SYNDIG1: variants seen among roughly 807,000 people sequenced by gnomAD.
SYNDIG1 encodes synapse differentiation-inducing gene protein 1.
Under a neutral mutation model 19.4 loss-of-function variants are expected in SYNDIG1, and 9 were observed. The observed-to-expected ratio is 0.46, with a 90% CI of 0.28 to 0.81. SYNDIG1 has a LOEUF of 0.81. SYNDIG1 is among the 30% of genes least tolerant of loss of function. The pLI is 0.12. For missense variants in SYNDIG1, 311 were observed against 343.3 expected, an observed-to-expected ratio of 0.91 and a Z score of 0.74; for synonymous variants, 141 against 145.9, an observed-to-expected ratio of 0.97 and a Z score of 0.24.
At chr20:24,564,784 G>A (rs2058011855) in intron 2 of SYNDIG1, among the ~76,000 whole-genome samples, 1 of 36,330 alleles carries the variant, frequency 2.8e-5, no homozygotes, top group African/African-American at 8.6e-5. Context: ...ATTCTTGCCT[G>A]GGCTCATCTG....
At chr20:24,510,340 G>A (rs989957083) in intron 1 of SYNDIG1, among the ~76,000 whole-genome samples, 4 of 151,696 alleles carry the variant, frequency 2.6e-5, no homozygotes, top group South Asian at 2.1e-4. Flanking sequence ...AGGCCAAGGC[G>A]GGCAGATCAC....
At chr20:24,549,826 G>T (rs1320802323) in intron 2 of SYNDIG1, among the ~76,000 whole-genome samples, 2 of 152,192 alleles carry the variant, frequency 1.3e-5, no homozygotes, top group East Asian at 3.8e-4. Context: ...GTGGAGCCGG[G>T]AAGGATACTG....
chr20:24,513,571 G>C (rs1271695733), intron 1 of SYNDIG1, among the ~76,000 whole-genome samples: 2 of 152,172 alleles, frequency 1.3e-5, no homozygotes, highest in East Asian at 3.9e-4. Flanking sequence ...GAGAAGTTTA[G>C]AGGAAAAAAA....
intron 1 of SYNDIG1, chr20:24,491,782 T>C (rs1287163209): frequency 6.6e-6 from 1 of 152,218 alleles, no homozygotes; most frequent in Non-Finnish European, 1.5e-5. Context: ...GACATTTCAC[T>C]AAGTCATAAG....
intron 3 of SYNDIG1, among the ~76,000 whole-genome samples, chr20:24,642,674 T>G (rs1469367590): frequency 6.6e-6 from 1 of 152,172 alleles, no homozygotes; most frequent in South Asian, 2.1e-4. Flanking sequence ...TCTTTCAGAT[T>G]GGTTTCTGTG....
intron 1 of SYNDIG1, among the ~76,000 whole-genome samples, chr20:24,487,077 G>C (rs995114183): frequency 6.6e-6 from 1 of 151,054 alleles, no homozygotes; most frequent in African/African-American, 2.5e-5. Flanking sequence ...GATGTGGGGT[G>C]GGGGGTATTT....
intron 1 of SYNDIG1, among the ~76,000 whole-genome samples, chr20:24,512,425 C>G (rs905297105): frequency 2.6e-5 from 4 of 151,832 alleles, no homozygotes. Flanking sequence ...CCTGGAAAAT[C>G]AGGTCCCTCC....
At position 24,604,142 on chromosome 20, in the gene SYNDIG1, T is replaced by C. The variant is rs554806917; in HGVS notation, c.618+19149T>C. On this transcript the variant is annotated intron_variant, in intron 3 of 3. Coordinates refer to ENST00000376862, the MANE Select transcript of SYNDIG1 (RefSeq NM_024893.3). ...TCTTTCTTTTTTTTTCAAAGTTGTG[T>C]GCTTAGAACATGTACATTGTGTGGA... is the stretch of plus-strand genomic sequence containing the variant. 5.9e-5 allele frequency among the ~76,000 whole-genome samples: 9 copies of C among 152,278 alleles called. No homozygotes were observed. The East Asian group carries it at 1.7e-3, about 29-fold the overall frequency.
chr20:24,631,475 A>G (rs929301943), intron 3 of SYNDIG1, among the ~76,000 whole-genome samples: 1 of 152,244 alleles, frequency 6.6e-6, no homozygotes, highest in African/African-American at 2.4e-5. Flanking sequence ...CACATCAGGA[A>G]CTGTCAGCCT....
At chr20:24,587,933 G>C (rs2058444608) in intron 3 of SYNDIG1, among the ~76,000 whole-genome samples, 1 of 152,204 alleles carries the variant, frequency 6.6e-6, no homozygotes, top group African/African-American at 2.4e-5. Flanking sequence ...TAACTGTTCA[G>C]TGAAGTCAAA....
intron 2 of SYNDIG1, among the ~76,000 whole-genome samples, chr20:24,580,974 C>G (rs1178401342): frequency 6.6e-6 from 1 of 152,182 alleles, no homozygotes; most frequent in Admixed American, 6.5e-5. Flanking sequence ...TCGGGAAAAC[C>G]TCACTGTTGC....
At chr20:24,586,739 G>A (rs748832981) in intron 3 of SYNDIG1, among the ~76,000 whole-genome samples, 9 of 152,200 alleles carry the variant, frequency 5.9e-5, no homozygotes, top group Non-Finnish European at 1.2e-4. Context: ...CCCTGTAAAA[G>A]TGCCACAGAG....
At chr20:24,626,298 A>AG (rs2059133715) in intron 3 of SYNDIG1, among the ~76,000 whole-genome samples, 1 of 151,290 alleles carries the variant, frequency 6.6e-6, no homozygotes, top group South Asian at 2.1e-4. Context: ...AGCCGGGCGG[A>AG]GGGGCTCCTC....
chr20:24,470,469 G>C (rs536908972), intron 1 of SYNDIG1, among the ~76,000 whole-genome samples: 42 of 152,328 alleles, frequency 2.8e-4, no homozygotes, highest in Non-Finnish European at 4.7e-4. Flanking sequence ...GCAGCCCTGG[G>C]AGCCACAGCC....
intron 1 of SYNDIG1, among the ~76,000 whole-genome samples, chr20:24,501,657 G>A (rs963726758): frequency 3.1e-4 from 47 of 152,144 alleles, no homozygotes; most frequent in African/African-American, 1.0e-3. Context: ...TCTGGAAATG[G>A]GGGTAGTTAT....
chr20:24,584,406 GAGTCTCC>G (rs560401583), intron 2 of SYNDIG1, among the ~76,000 whole-genome samples: 54 of 152,344 alleles, frequency 3.5e-4, no homozygotes, highest in Middle Eastern at 3.4e-3. Flanking sequence ...TGCCTTCTGA[GAGTCTCC>G]AGTCCATCCT....
intron 1 of SYNDIG1, among the ~76,000 whole-genome samples, chr20:24,511,498 AT>A (rs989292175): frequency 2.6e-5 from 4 of 152,010 alleles, no homozygotes; most frequent in African/African-American, 9.7e-5. Context: ...TGGATACGTT[AT>A]TCTCTGAGCT....
chr20:24,552,024 GTT>G (rs2057715061), intron 2 of SYNDIG1, among the ~76,000 whole-genome samples: 1 of 152,148 alleles, frequency 6.6e-6, no homozygotes, highest in Non-Finnish European at 1.5e-5. Flanking sequence ...TGTTCTTTCT[GTT>G]TGTCTGCCTA....
chr20:24,512,201 T>C (rs1214090742), intron 1 of SYNDIG1, among the ~76,000 whole-genome samples: 2 of 143,794 alleles, frequency 1.4e-5, no homozygotes, highest in East Asian at 4.1e-4. Flanking sequence ...AGTCAACAGC[T>C]CCCAGCGTGA....
Sources: allele counts gnomAD v4.1 joint callset (sites outside exome capture counted in the v4.1 genomes callset), GRCh38; gene constraint gnomAD v4.1.1; transcripts MANE v1.5; gene names NCBI Gene and HGNC (gene_info 2026-07-23, HGNC 2026-07-21).